Variants in BTBD9 observed in about 807,000 individuals in gnomAD.
The protein encoded by BTBD9 is BTB domain containing 9.
In BTBD9, 49 loss-of-function variants were observed where a neutral mutation model predicts 64.3. The ratio of observed to expected loss-of-function variants is 0.76; its 90% CI spans 0.61 to 0.97. The LOEUF is 0.97. Ranked by LOEUF, BTBD9 falls within the 50% of genes least tolerant of loss-of-function variation. The pLI is 0.00. For synonymous variants in BTBD9, 260 were observed against 274.7 expected (o/e 0.95, Z 0.53); for missense variants, 598 against 762.1 (o/e 0.78, Z 2.53).
At chr6:38,234,644 G>A (rs1257032540) in intron 9 of BTBD9, among the ~76,000 whole-genome samples, 1 of 152,110 alleles carries the variant, frequency 6.6e-6, no homozygotes, top group Non-Finnish European at 1.5e-5. Flanking sequence ...ACAGCCCTTG[G>A]AGCCCAGCAC....
intron 9 of BTBD9, among the ~76,000 whole-genome samples, chr6:38,236,264 T>A (rs530844792): frequency 6.6e-6 from 1 of 152,320 alleles, no homozygotes; most frequent in South Asian, 2.1e-4. Flanking sequence ...TTTTAGGTCC[T>A]CTCTGAAACC....
At chr6:38,560,320 A>G (rs1429700142) in intron 6 of BTBD9, among the ~76,000 whole-genome samples, 1 of 152,202 alleles carries the variant, frequency 6.6e-6, no homozygotes, top group African/African-American at 2.4e-5. Context: ...AATGTTCAAC[A>G]TCACTAATCA....
At chr6:38,260,615 A>G (rs2127537683) in intron 8 of BTBD9, among the ~76,000 whole-genome samples, 1 of 152,330 alleles carries the variant, frequency 6.6e-6, no homozygotes, top group East Asian at 1.9e-4. Context: ...TTTGAGGAAA[A>G]TTTTAAGTTG....
At chr6:38,326,904 T>C (rs1371336384) in intron 7 of BTBD9, among the ~76,000 whole-genome samples, 1 of 152,218 alleles carries the variant, frequency 6.6e-6, no homozygotes, top group African/African-American at 2.4e-5. Flanking sequence ...AGTCATTTCC[T>C]GAAGATTCCA....
chr6:38,333,540 C>A (rs1361166381), intron 7 of BTBD9, among the ~76,000 whole-genome samples: 2 of 152,136 alleles, frequency 1.3e-5, no homozygotes, highest in African/African-American at 2.4e-5. Context: ...CTCCCCTTTG[C>A]TGTTTTCATG....
chr6:38,357,415 T>C (rs1206293808), intron 6 of BTBD9, among the ~76,000 whole-genome samples: 1 of 152,196 alleles, frequency 6.6e-6, no homozygotes, highest in African/African-American at 2.4e-5. Flanking sequence ...GGTTTACACC[T>C]AAAAGAAAAT....
chr6:38,485,488 G>A (rs932741941), intron 6 of BTBD9, among the ~76,000 whole-genome samples: 1 of 152,234 alleles, frequency 6.6e-6, no homozygotes, highest in East Asian at 1.9e-4. Flanking sequence ...CAGAATGGAT[G>A]TTGTGTTAAC....
intron 6 of BTBD9, among the ~76,000 whole-genome samples, chr6:38,444,340 C>G (rs1164668543): frequency 6.6e-6 from 1 of 152,192 alleles, no homozygotes; most frequent in Non-Finnish European, 1.5e-5. Flanking sequence ...TGTGAATTTA[C>G]TCCAGAATCA....
At chr6:38,484,864 G>A (rs1420209796) in intron 6 of BTBD9, among the ~76,000 whole-genome samples, 1 of 152,222 alleles carries the variant, frequency 6.6e-6, no homozygotes, top group Non-Finnish European at 1.5e-5. Context: ...GACTGATCAG[G>A]GTGGTGGTTG....
intron 6 of BTBD9, among the ~76,000 whole-genome samples, chr6:38,384,826 C>G (rs1368354616): frequency 1.3e-5 from 2 of 152,084 alleles, no homozygotes; most frequent in African/African-American, 2.4e-5. Context: ...TATACTTGCT[C>G]TGTATCAGAA....
At chr6:38,546,039 G>T (rs973802702) in intron 6 of BTBD9, among the ~76,000 whole-genome samples, 1 of 152,090 alleles carries the variant, frequency 6.6e-6, no homozygotes, top group Non-Finnish European at 1.5e-5. Context: ...GTAAGAAGTG[G>T]TTCCAATTCT....
intron 8 of BTBD9, among the ~76,000 whole-genome samples, chr6:38,263,468 G>C (rs770247842): frequency 1.3e-5 from 2 of 152,158 alleles, no homozygotes; most frequent in Non-Finnish European, 2.9e-5. Context: ...GGAGATTCCT[G>C]AGCTCAGTTT....
chr6:38,466,495 G>C (rs768469253), intron 6 of BTBD9, among the ~76,000 whole-genome samples: 25 of 152,014 alleles, frequency 1.6e-4, no homozygotes, highest in Non-Finnish European at 3.2e-4. Flanking sequence ...GTTTCACCTT[G>C]TTGGCCAGGC....
At position 38,348,689 on chromosome 6, in the gene BTBD9, C is replaced by T. The variant is rs140821315; in HGVS notation, c.1155-3596G>A. 4.1e-3 allele frequency among the ~76,000 whole-genome samples: 631 copies of T among 152,158 alleles called. 6 individuals are homozygous for T. Among genetic ancestry groups the T allele is most frequent in the African/African-American group, 0.015 (608 of 41,516 alleles). Reference sequence around the variant, plus strand: ...ACTGGATACTGAACATAGTTCAGTACACAATGTTTCAATACAGAAATTTTC... The same window carrying T: ...ACTGGATACTGAACATAGTTCAGTATACAATGTTTCAATACAGAAATTTTC... On this transcript the variant is annotated intron_variant, in intron 6 of 10. Transcript: ENST00000481247.
intron 6 of BTBD9, among the ~76,000 whole-genome samples, chr6:38,516,539 T>C (rs1773036008): frequency 6.6e-6 from 1 of 152,186 alleles, no homozygotes; most frequent in South Asian, 2.1e-4. Flanking sequence ...CACTGCCCAG[T>C]GTAGGCAATT....
intron 6 of BTBD9, among the ~76,000 whole-genome samples, chr6:38,492,824 T>G (rs1771766634): frequency 6.6e-6 from 1 of 152,174 alleles, no homozygotes; most frequent in Non-Finnish European, 1.5e-5. Context: ...GATTTAAGAT[T>G]TTATTCACAA....
intron 6 of BTBD9, among the ~76,000 whole-genome samples, chr6:38,471,749 G>A (rs1770661153): frequency 6.6e-6 from 1 of 152,056 alleles, no homozygotes; most frequent in Admixed American, 6.6e-5. Context: ...TTTCATCCCT[G>A]AATCGTCTCC....
chr6:38,289,751 T>C (rs951992490), intron 7 of BTBD9, among the ~76,000 whole-genome samples: 6 of 152,156 alleles, frequency 3.9e-5, no homozygotes, highest in African/African-American at 1.4e-4. Context: ...TTTGAGTCTC[T>C]CTCTATATAA....
At chr6:38,573,334 C>G (rs1775863591) in intron 6 of BTBD9, among the ~76,000 whole-genome samples, 1 of 151,984 alleles carries the variant, frequency 6.6e-6, no homozygotes, top group Admixed American at 6.6e-5. Context: ...TACATTATAA[C>G]TTTATAATGA....
Sources: gnomAD v4.1 joint callset for allele counts (sites outside exome capture counted in the v4.1 genomes callset) on GRCh38, gnomAD v4.1.1 for gene constraint, MANE v1.5 for transcripts, NCBI Gene and HGNC (gene_info 2026-07-23, HGNC 2026-07-21) for gene names.